The following TAFA5 variants were observed in gnomAD, a reference collection of about 807,000 sequenced individuals.
The protein encoded by TAFA5 is TAFA chemokine like family member 5.
In TAFA5, 6 loss-of-function variants were observed where a neutral mutation model predicts 15.3. The observed-to-expected ratio is 0.39, with a 90% CI of 0.21 to 0.77. TAFA5 has a LOEUF of 0.77. TAFA5 is among the 30% of genes least tolerant of loss of function. The probability of loss-of-function intolerance (pLI) is 0.41; values close to 1 mark genes in which losing one functional copy is unlikely to be tolerated. For missense variants in TAFA5, 161 were observed against 193.1 expected, an observed-to-expected ratio of 0.83 and a Z score of 0.98; for synonymous variants, 103 against 80.7, an observed-to-expected ratio of 1.28 and a Z score of -1.48.
chr22:48,604,690 G>A (rs1247987313), intron 1 of TAFA5, among the ~76,000 whole-genome samples: 2 of 151,836 alleles, frequency 1.3e-5, no homozygotes, highest in Admixed American at 1.3e-4. Context: ...TGCCCTTCTG[G>A]TGTAGCTGCA....
At chr22:48,710,554 G>A (rs561147321) in intron 3 of TAFA5, among the ~76,000 whole-genome samples, 2 of 152,268 alleles carry the variant, frequency 1.3e-5, no homozygotes, top group East Asian at 1.9e-4. Context: ...GCAGCCTGCC[G>A]CGTCCGTCCA....
chr22:48,571,583 T>TG (rs1457207523), intron 1 of TAFA5, among the ~76,000 whole-genome samples: 3 of 130,134 alleles, frequency 2.3e-5, no homozygotes, highest in Non-Finnish European at 4.8e-5. Context: ...TGTTTTTTTT[T>TG]TTTTTTTTTT....
At chr22:48,575,996 G>C in intron 1 of TAFA5, among the ~76,000 whole-genome samples, 1 of 143,910 alleles carries the variant, frequency 6.9e-6, no homozygotes, top group African/African-American at 2.5e-5. Flanking sequence ...AGCAGCGGGC[G>C]GTGGGGGCCG....
chr22:48,501,034 C>G (rs1191236655), intron 1 of TAFA5, among the ~76,000 whole-genome samples: 1 of 152,198 alleles, frequency 6.6e-6, no homozygotes, highest in Non-Finnish European at 1.5e-5. Context: ...AACTGGTCAA[C>G]CAGGCCTTCC....
chr22:48,688,099 G>T (rs1165123704), intron 2 of TAFA5, among the ~76,000 whole-genome samples: 2 of 139,876 alleles, frequency 1.4e-5, no homozygotes, highest in Non-Finnish European at 3.2e-5. Context: ...TGTGTGTTTT[G>T]GGGTTTTTTT....
Position 48,688,660 on chromosome 22 carries a change from A to G in TAFA5, c.263-19057A>G, listed in dbSNP as rs80106820. ...TTGCTTAGCTGAAAGGAGAGTCTTG[A>G]CTTCCCAGTTTCTGAGAAACAGTGT... is the stretch of plus-strand genomic sequence containing the variant. On this transcript the variant is annotated intron_variant, in intron 2 of 3. Transcript: ENST00000402357. Among the ~76,000 whole-genome samples the G allele has an allele frequency of 2.0e-4, 30 of 152,262 alleles. No homozygotes were observed. The East Asian group carries it at 4.6e-3, about 23-fold the overall frequency.
chr22:48,600,975 C>T (rs1035171135), intron 1 of TAFA5, among the ~76,000 whole-genome samples: 3 of 152,204 alleles, frequency 2.0e-5, no homozygotes, highest in Admixed American at 6.5e-5. Flanking sequence ...GTGCTCACGT[C>T]GTTCAGCCGG....
At chr22:48,576,472 G>C (rs1270864907) in intron 1 of TAFA5, 2 of 1,448,170 alleles carry the variant, frequency 1.4e-6, no homozygotes, top group Non-Finnish European at 1.8e-6. Flanking sequence ...GCCGAGTTGG[G>C]ACTCCGCGAT....
At chr22:48,496,884 A>T (rs1928344779) in intron 1 of TAFA5, among the ~76,000 whole-genome samples, 1 of 152,158 alleles carries the variant, frequency 6.6e-6, no homozygotes, top group African/African-American at 2.4e-5. Flanking sequence ...TAGGAAAGAA[A>T]ATACAGAGAA....
chr22:48,638,244 A>C (rs1244630706), intron 1 of TAFA5, among the ~76,000 whole-genome samples: 1 of 151,594 alleles, frequency 6.6e-6, no homozygotes, highest in Admixed American at 6.6e-5. Context: ...GACCCCCGAC[A>C]CTAAGCCCTG....
At chr22:48,628,829 T>A (rs1213631281) in intron 1 of TAFA5, among the ~76,000 whole-genome samples, 1 of 152,204 alleles carries the variant, frequency 6.6e-6, no homozygotes, top group African/African-American at 2.4e-5. Context: ...CATCGGCGTG[T>A]TTGCCAATCC....
At chr22:48,702,552 C>T (rs115911636) in intron 2 of TAFA5, among the ~76,000 whole-genome samples, 89 of 147,806 alleles carry the variant, frequency 6.0e-4, no homozygotes, top group African/African-American at 2.2e-3. Context: ...GTGCCCTTTA[C>T]GCCCCGTGCC....
intron 1 of TAFA5, among the ~76,000 whole-genome samples, chr22:48,594,154 A>C (rs1279988675): frequency 6.6e-6 from 1 of 152,146 alleles, no homozygotes; most frequent in African/African-American, 2.4e-5. Context: ...GGGGATGCAC[A>C]GGGGCGGTGA....
Position 48,566,239 on chromosome 22 carries a change from G to T in TAFA5, c.112+76535G>T, listed in dbSNP as rs1923404717. 6.7e-6 allele frequency among the ~76,000 whole-genome samples: 1 copy of T among 149,592 alleles called. No individual in the cohort carries two copies. Among genetic ancestry groups the T allele is most frequent in the Non-Finnish European group, 1.5e-5 (1 of 67,378 alleles). ...TGGATGGTAGGTAGATGGATGATGGGTGGATGGTAGGTAGATGGATGATGG... is the reference window on the plus strand; with the variant it reads ...TGGATGGTAGGTAGATGGATGATGGTTGGATGGTAGGTAGATGGATGATGG... On this transcript the variant is annotated intron_variant, in intron 1 of 3. Transcript: ENST00000402357. This position sits in a 1 kb window ranked among gnomAD's most constrained non-coding sequence, Gnocchi z 4.5.
chr22:48,746,801 G>T (rs916444461), intron 3 of TAFA5, among the ~76,000 whole-genome samples: 3 of 152,156 alleles, frequency 2.0e-5, no homozygotes, highest in African/African-American at 7.2e-5. Context: ...GATTGGGATG[G>T]CAGCCTGCTT....
At position 48,670,605 on chromosome 22, in the gene TAFA5, C is replaced by T. The variant is rs565266446; in HGVS notation, c.262+23859C>T. On this transcript the variant is annotated intron_variant, in intron 2 of 3. Coordinates refer to ENST00000402357, the MANE Select transcript of TAFA5 (RefSeq NM_001082967.3). ...AGGTGGGGGAAGCAGGAGCAGTAGC[C>T]GCGTGGCCTGGGCAGGGTCGAACCC... Among the ~76,000 whole-genome samples the T allele has an allele frequency of 4.6e-5, 7 of 152,350 alleles. No homozygotes were observed. The South Asian group carries it at 6.2e-4, about 14-fold the overall frequency.
intron 1 of TAFA5, among the ~76,000 whole-genome samples, chr22:48,553,613 C>T (rs1046825670): frequency 3.9e-5 from 6 of 152,112 alleles, no homozygotes; most frequent in African/African-American, 1.4e-4. Flanking sequence ...TTGACTCTGT[C>T]CCCCACCCGG....
intron 1 of TAFA5, among the ~76,000 whole-genome samples, chr22:48,630,639 G>A (rs557942702): frequency 6.6e-6 from 1 of 152,282 alleles, no homozygotes; most frequent in South Asian, 2.1e-4. Flanking sequence ...TGCAGTGAGT[G>A]CCGCTTCCAG....
chr22:48,549,144 C>T (rs1016815837), intron 1 of TAFA5, among the ~76,000 whole-genome samples: 5 of 152,232 alleles, frequency 3.3e-5, no homozygotes, highest in African/African-American at 1.2e-4. Context: ...GAATGAGCCT[C>T]GCTTCCAGCC....
Sources: gnomAD v4.1 joint callset for allele counts (sites outside exome capture counted in the v4.1 genomes callset) on GRCh38, gnomAD v4.1.1 for gene constraint, Gnocchi (gnomAD v3.1) non-coding constraint, MANE v1.5 for transcripts, NCBI Gene and HGNC (gene_info 2026-07-23, HGNC 2026-07-21) for gene names.